Variants in CALN1 observed in about 807,000 individuals in gnomAD.
CALN1 encodes the protein calneuron 1.
A neutral mutation model predicts 30.6 loss-of-function variants in CALN1; 17 were observed. The observed-to-expected ratio is 0.56, with a 90% CI of 0.38 to 0.83. The LOEUF is 0.83. Among genes scored for constraint, CALN1 ranks in the 40% least tolerant of loss-of-function variants. The pLI is 0.00. For synonymous variants in CALN1, 156 were observed against 131.4 expected (o/e 1.19, Z -1.28); for missense variants, 291 against 354.9 (o/e 0.82, Z 1.45).
intron 5 of CALN1, among the ~76,000 whole-genome samples, chr7:71,950,254 C>T (rs1041494256): frequency 6.6e-6 from 1 of 152,040 alleles, no homozygotes; most frequent in Non-Finnish European, 1.5e-5. Flanking sequence ...ATGGGCAGGG[C>T]GGAAAGGGGT....
At chr7:72,360,374 G>A (rs975871623) in intron 2 of CALN1, among the ~76,000 whole-genome samples, 3 of 152,044 alleles carry the variant, frequency 2.0e-5, no homozygotes, top group African/African-American at 7.2e-5. Context: ...CAAATGTGCA[G>A]GATATACGGC....
chr7:72,237,817 T>C (rs1185949052), intron 3 of CALN1, among the ~76,000 whole-genome samples: 1 of 152,160 alleles, frequency 6.6e-6, no homozygotes, highest in Non-Finnish European at 1.5e-5. Flanking sequence ...TAAGGTGAGA[T>C]TGCAGACATC....
chr7:72,197,558 T>C (rs967900127), intron 3 of CALN1, among the ~76,000 whole-genome samples: 4 of 152,132 alleles, frequency 2.6e-5, no homozygotes, highest in East Asian at 1.9e-4. Flanking sequence ...TGGCTGGACA[T>C]AGTGGCTCAT....
intron 3 of CALN1, among the ~76,000 whole-genome samples, chr7:72,175,443 G>A (rs920142723): frequency 1.3e-5 from 2 of 152,154 alleles, no homozygotes; most frequent in African/African-American, 4.8e-5. Context: ...TGAGACACGA[G>A]TGAAGATTCT....
chr7:72,413,426 A>T (rs1378452893), upstream of CALN1, among the ~76,000 whole-genome samples: 2 of 151,972 alleles, frequency 1.3e-5, no homozygotes, highest in Non-Finnish European at 2.9e-5. Flanking sequence ...ACACACACGT[A>T]CACTCACATA....
chr7:71,922,254 T>C (rs549229614), intron 5 of CALN1, among the ~76,000 whole-genome samples: 17 of 152,204 alleles, frequency 1.1e-4, no homozygotes, highest in African/African-American at 1.9e-4. Flanking sequence ...GAGTGTAATA[T>C]CTGGTTCACA....
chr7:72,241,540 C>A (rs537104834), intron 3 of CALN1, among the ~76,000 whole-genome samples: 1 of 152,124 alleles, frequency 6.6e-6, no homozygotes, highest in East Asian at 1.9e-4. Context: ...AACCCTGTCT[C>A]TACTAAAAAT....
chr7:72,012,686 C>T (rs7812251), intron 5 of CALN1, among the ~76,000 whole-genome samples: 2,848 of 152,296 alleles, frequency 0.019, 68 homozygotes, highest in African/African-American at 0.064. Flanking sequence ...GCCTCTGCAG[C>T]AGAGGGTCAT....
At chr7:72,230,964 C>T (rs1377612034) in intron 3 of CALN1, among the ~76,000 whole-genome samples, 4 of 152,042 alleles carry the variant, frequency 2.6e-5, no homozygotes, top group Non-Finnish European at 5.9e-5. Context: ...CATGCCATTC[C>T]AAGGAGCGTG....
chr7:72,000,682 C>T (rs147860207), intron 5 of CALN1, among the ~76,000 whole-genome samples: 1 of 152,126 alleles, frequency 6.6e-6, no homozygotes, highest in African/African-American at 2.4e-5. Context: ...GAAACACTTA[C>T]TAATTCATTT....
intron 5 of CALN1, among the ~76,000 whole-genome samples, chr7:72,008,251 C>T (rs1799882173): frequency 6.6e-6 from 1 of 151,954 alleles, no homozygotes. Context: ...AAACCAATAA[C>T]AAGTATTTAA....
chr7:71,905,186 G>A (rs1223629412), intron 5 of CALN1, among the ~76,000 whole-genome samples: 1 of 152,146 alleles, frequency 6.6e-6, no homozygotes, highest in Non-Finnish European at 1.5e-5. Context: ...TGATCCGCCT[G>A]CCTCAGGTTC....
At chr7:72,258,979 G>T (rs1288722201) in intron 3 of CALN1, among the ~76,000 whole-genome samples, 1 of 151,786 alleles carries the variant, frequency 6.6e-6, no homozygotes, top group Non-Finnish European at 1.5e-5. Context: ...TACTAGGAAG[G>T]CTGAGGCAGG....
rs185651843 is a variant in CALN1, at chr7:72,114,329, C to T, written c.245-8035G>A. 3.2e-3 allele frequency among the ~76,000 whole-genome samples: 437 copies of T among 135,710 alleles called. 9 individuals carry two copies. The highest frequency in any genetic ancestry group is 0.012 in the African/African-American group (426 of 36,878). 89.0% of individuals were successfully genotyped at this position (135,710 alleles called of 152,430 possible). ...GAAGGGAAGGCAACACTGTAGTTTA[C>T]GTGATGGCATTAACAACAAACAATT... On this transcript the variant is annotated intron_variant, in intron 3 of 6. Coordinates refer to ENST00000395275, the MANE Select transcript of CALN1 (RefSeq NM_031468.4).
intron 3 of CALN1, among the ~76,000 whole-genome samples, chr7:72,199,579 A>G (rs1791277680): frequency 2.0e-5 from 3 of 152,184 alleles, no homozygotes; most frequent in African/African-American, 7.2e-5. Context: ...AGTTAGCCAC[A>G]GTGGTGCCCG....
chr7:71,934,041 A>G (rs906744313), intron 5 of CALN1, among the ~76,000 whole-genome samples: 2 of 152,200 alleles, frequency 1.3e-5, no homozygotes, highest in Admixed American at 1.3e-4. Flanking sequence ...AGAACAGCCA[A>G]TCTGAGTTTT....
At position 71,780,910 on chromosome 7, in the gene CALN1, T is replaced by C. The variant is rs1003337730; in HGVS notation, c.*6865A>G. On this transcript the variant is annotated 3_prime_UTR_variant, in exon 7 of 7. Coordinates refer to ENST00000395275, the MANE Select transcript of CALN1 (RefSeq NM_031468.4). ...CTTGCCAAGACAGACAGAAAGCTCA[T>C]CTTTGATGCTCCCTCGAGTCAGCAA... is the stretch of plus-strand genomic sequence containing the variant. 3 of 152,204 alleles carry C rather than the reference T, an allele frequency of 2.0e-5. No homozygotes were observed. The highest frequency in any genetic ancestry group is 7.2e-5 in the African/African-American group (3 of 41,450). The allele number at this position is 152,204 out of a possible 1,614,324, so 9.4% of individuals were successfully genotyped here.
intron 3 of CALN1, among the ~76,000 whole-genome samples, chr7:72,212,224 C>T (rs1345582419): frequency 6.6e-6 from 1 of 151,902 alleles, no homozygotes; most frequent in African/African-American, 2.4e-5. Context: ...TGGCAGGCAC[C>T]TGTAATCCCA....
intron 3 of CALN1, among the ~76,000 whole-genome samples, chr7:72,216,323 G>A (rs1197563104): frequency 6.6e-6 from 1 of 151,906 alleles, no homozygotes; most frequent in Non-Finnish European, 1.5e-5. Flanking sequence ...ATACTCGGGA[G>A]GCCTAAGCAG....
Sources: gnomAD v4.1 joint callset for allele counts (sites outside exome capture counted in the v4.1 genomes callset) on GRCh38, gnomAD v4.1.1 for gene constraint, MANE v1.5 for transcripts, NCBI Gene and HGNC (gene_info 2026-07-23, HGNC 2026-07-21) for gene names.